Variants in GRIN3A observed in about 807,000 individuals in gnomAD.
GRIN3A encodes the protein glutamate receptor ionotropic, NMDA 3A.
In GRIN3A, 47 loss-of-function variants were observed where a neutral mutation model predicts 92.4. The ratio of observed to expected loss-of-function variants is 0.51; its 90% CI spans 0.40 to 0.65. The LOEUF is 0.65. GRIN3A is among the 30% of genes least tolerant of loss of function. The pLI is 0.00. For synonymous variants in GRIN3A, 527 were observed against 540.6 expected (o/e 0.97, Z 0.35); for missense variants, 1,324 against 1,393.1 (o/e 0.95, Z 0.79).
At chr9:101,614,609 C>CT (rs754003481) in intron 5 of GRIN3A, among the ~76,000 whole-genome samples, 2,620 of 83,064 alleles carry the variant, frequency 0.032, 520 homozygotes, top group African/African-American at 0.05. Flanking sequence ...ATATGTGATA[C>CT]TTTTTTTTTT....
At chr9:101,663,939 T>A (rs973107300) in intron 3 of GRIN3A, among the ~76,000 whole-genome samples, 1 of 151,748 alleles carries the variant, frequency 6.6e-6, no homozygotes, top group Admixed American at 6.6e-5. Flanking sequence ...GAAAGTCCAC[T>A]AAAATCAGCA....
At position 101,573,107 on chromosome 9, in the gene GRIN3A, G is replaced by A; in HGVS notation, c.*67C>T. The A allele has an allele frequency of 1.5e-6, 2 of 1,311,578 alleles. No individual in the cohort carries two copies. 81.2% of individuals were successfully genotyped at this position (1,311,578 alleles called of 1,614,324 possible). A position where few individuals can be genotyped will look rare whatever the true frequency, so the allele number is the denominator to read the frequency against. The stretch of plus-strand genomic sequence containing the variant: ...CACCTTTGTCGATAGTTACAAAAGA[G>A]CATTACAAAGTGTCTCAAGGGCTCA... On this transcript the variant is annotated 3_prime_UTR_variant, in exon 9 of 9. Coordinates refer to ENST00000361820, the MANE Select transcript of GRIN3A (RefSeq NM_133445.3).
rs201262914 is a variant in GRIN3A at position 101,623,466 on chromosome 9, T to G, written c.2499-33A>C. On this transcript the variant is annotated intron_variant, in intron 4 of 8. Transcript: ENST00000361820. ...TAAGACCAGAGGAGAAAAGTGAAAA[T>G]GATTCATTAATGGGAAGGAAGCATG... The G allele has an allele frequency of 2.5e-5, 35 of 1,404,760 alleles. No individual in the cohort carries two copies. The East Asian group carries it at 7.7e-4, about 31-fold the overall frequency. The allele number at this position is 1,404,760 out of a possible 1,614,324, so 87.0% of individuals were successfully genotyped here.
chr9:101,620,151 A>T (rs10123684), intron 5 of GRIN3A, among the ~76,000 whole-genome samples: 19,665 of 152,086 alleles, frequency 0.13, 2,351 homozygotes, highest in African/African-American at 0.32. Flanking sequence ...ATAGACTGGG[A>T]GACTTAAAAA....
intron 1 of GRIN3A, among the ~76,000 whole-genome samples, chr9:101,705,989 CTG>C (rs1447613228): frequency 3.9e-5 from 6 of 151,916 alleles, no homozygotes; most frequent in African/African-American, 1.5e-4. Context: ...TCTGGTGAGA[CTG>C]TTAAAAAAAA....
intron 3 of GRIN3A, among the ~76,000 whole-genome samples, chr9:101,630,772 C>T (rs1046446928): frequency 6.6e-6 from 1 of 152,180 alleles, no homozygotes; most frequent in African/African-American, 2.4e-5. Context: ...TAAAGTAACA[C>T]CAACTTCTCA....
chr9:101,704,389 G>A (rs1829788678), intron 1 of GRIN3A, among the ~76,000 whole-genome samples: 1 of 152,056 alleles, frequency 6.6e-6, no homozygotes, highest in African/African-American at 2.4e-5. Flanking sequence ...TTATTTATTT[G>A]TTCTGAAAAT....
intron 1 of GRIN3A, among the ~76,000 whole-genome samples, chr9:101,717,232 AT>A (rs575229309): frequency 4.6e-5 from 7 of 151,756 alleles, no homozygotes; most frequent in African/African-American, 1.4e-4. Context: ...ACCAAATGTG[AT>A]TTTTTTTTCC....
chr9:101,590,996 TTC>T (rs1419619877), intron 6 of GRIN3A, among the ~76,000 whole-genome samples: 2 of 152,218 alleles, frequency 1.3e-5, no homozygotes, highest in African/African-American at 2.4e-5. Context: ...CCATATTTTT[TTC>T]TCTGTTTCAA....
rs1828118699 is a variant in GRIN3A, at chr9:101,595,763, GT to G, written c.2767-16404del. Among the ~76,000 whole-genome samples the G allele has an allele frequency of 2.0e-5, 3 of 152,248 alleles. No homozygotes were observed. The South Asian group carries it at 6.2e-4, about 32-fold the overall frequency. ...TCAAGAACACAACCTCTGTTACTCT[GT>G]TCCCTCTTATCCATCATCTCATGCC... On this transcript the variant is annotated intron_variant, in intron 6 of 8. Coordinates refer to ENST00000361820, the MANE Select transcript of GRIN3A (RefSeq NM_133445.3).
At chr9:101,595,899 G>T (rs563100816) in intron 6 of GRIN3A, among the ~76,000 whole-genome samples, 1 of 152,180 alleles carries the variant, frequency 6.6e-6, no homozygotes, top group Admixed American at 6.5e-5. Flanking sequence ...AGTGACAGTC[G>T]CCTCTGGATG....
At chr9:101,713,738 G>T (rs1190160556) in intron 1 of GRIN3A, among the ~76,000 whole-genome samples, 3 of 152,074 alleles carry the variant, frequency 2.0e-5, no homozygotes, top group African/African-American at 7.2e-5. Context: ...GGTATGGATG[G>T]GTTCCTTATT....
At chr9:101,703,844 T>C (rs1829781732) in intron 1 of GRIN3A, among the ~76,000 whole-genome samples, 1 of 152,168 alleles carries the variant, frequency 6.6e-6, no homozygotes, top group Non-Finnish European at 1.5e-5. Context: ...AAATCTGTCT[T>C]TTTGGCTGCC....
intron 1 of GRIN3A, among the ~76,000 whole-genome samples, chr9:101,715,812 A>G (rs1375617062): frequency 1.3e-5 from 2 of 152,212 alleles, no homozygotes; most frequent in Non-Finnish European, 2.9e-5. Context: ...ATGGCAAATA[A>G]AACAGAAAAC....
At chr9:101,584,148 G>A (rs1388459747) in intron 6 of GRIN3A, among the ~76,000 whole-genome samples, 1 of 152,066 alleles carries the variant, frequency 6.6e-6, no homozygotes, top group Non-Finnish European at 1.5e-5. Context: ...CACTGCACCC[G>A]GCTAGTCCCA....
intron 1 of GRIN3A, among the ~76,000 whole-genome samples, chr9:101,729,420 G>A (rs1830114881): frequency 6.6e-6 from 1 of 152,120 alleles, no homozygotes; most frequent in Non-Finnish European, 1.5e-5. Flanking sequence ...TGAGTTTCTA[G>A]TGACTGCCTG....
chr9:101,649,586 G>A (rs1293159682), intron 3 of GRIN3A, among the ~76,000 whole-genome samples: 3 of 151,978 alleles, frequency 2.0e-5, no homozygotes, highest in African/African-American at 2.4e-5. Context: ...CTGGCTCGAG[G>A]GAAGAGTGGT....
intron 5 of GRIN3A, among the ~76,000 whole-genome samples, chr9:101,617,135 G>A (rs1828469084): frequency 6.8e-6 from 1 of 148,040 alleles, no homozygotes; most frequent in Admixed American, 6.7e-5. Flanking sequence ...GGGAAGCGGA[G>A]CTTGCAGTGA....
chr9:101,687,479 G>A (rs1588283510), intron 1 of GRIN3A, among the ~76,000 whole-genome samples: 2 of 152,234 alleles, frequency 1.3e-5, no homozygotes, highest in African/African-American at 4.8e-5. Flanking sequence ...TGGTTGAGGA[G>A]TTTTGTCAAG....
Sources: gnomAD v4.1 joint callset for allele counts (sites outside exome capture counted in the v4.1 genomes callset) on GRCh38, gnomAD v4.1.1 for gene constraint, MANE v1.5 for transcripts, NCBI Gene and HGNC (gene_info 2026-07-23, HGNC 2026-07-21) for gene names.